GALK2: variants seen among roughly 807,000 people sequenced by gnomAD.
GALK2 encodes the protein galactokinase 2.
A neutral mutation model predicts 52.4 loss-of-function variants in GALK2; 36 were observed. The observed-to-expected ratio is 0.69, with a 90% CI of 0.53 to 0.91. GALK2 has a LOEUF of 0.91. Ranked by LOEUF, GALK2 falls within the 40% of genes least tolerant of loss-of-function variation. The pLI is 0.00. For synonymous variants in GALK2, 176 were observed against 199.1 expected (o/e 0.88, Z 0.98); for missense variants, 579 against 559.1 (o/e 1.04, Z -0.36).
chr15:49,299,743 C>CTTTCTTTTTTTTT (rs2034856760), intron 8 of GALK2, among the ~76,000 whole-genome samples: 1 of 107,760 alleles, frequency 9.3e-6, no homozygotes, highest in African/African-American at 3.7e-5. Flanking sequence ...TCTTTTCTTT[C>CTTTCTTTTTTTTT]TTTCTTTCTT....
chr15:49,210,827 A>G (rs1191477381), intron 2 of GALK2, among the ~76,000 whole-genome samples: 3 of 151,936 alleles, frequency 2.0e-5, no homozygotes, highest in Non-Finnish European at 4.4e-5. Context: ...GCTCACTGCA[A>G]CCTGCACTTC....
At chr15:49,218,916 C>T (rs1248957555) in intron 3 of GALK2, among the ~76,000 whole-genome samples, 1 of 152,140 alleles carries the variant, frequency 6.6e-6, no homozygotes. Context: ...ACCTCTGCCT[C>T]CCAGGTTCAA....
At chr15:49,292,210 G>C in intron 7 of GALK2, 117 bp from the exon 8 acceptor site, 2 of 880,480 alleles carry the variant, frequency 2.3e-6, no homozygotes, top group Non-Finnish European at 3.5e-6. Context: ...AGTTGGATAG[G>C]TTGAAAGGAA....
At position 49,255,786 on chromosome 15, in the gene GALK2, A is replaced by G. The variant is rs573925352; in HGVS notation, c.504+16419A>G. 4.6e-5 allele frequency among the ~76,000 whole-genome samples: 7 copies of G among 152,272 alleles called. No individual in the cohort carries two copies. The South Asian group carries it at 1.0e-3, about 23-fold the overall frequency. On this transcript the variant is annotated intron_variant, in intron 5 of 9. Transcript: ENST00000560031. ...TAAAAGTGATGATAGAGACTATAAC[A>G]TAGTCTTCTATTACATGTTTTAATT...
chr15:49,367,082 C>G (rs530793504), intron 3 of GALK2, among the ~76,000 whole-genome samples: 23 of 152,214 alleles, frequency 1.5e-4, no homozygotes, highest in Non-Finnish European at 2.9e-4. Flanking sequence ...CTAAAACATG[C>G]CTAAAACTCT....
chr15:49,221,280 A>G (rs1327569462), intron 3 of GALK2, among the ~76,000 whole-genome samples: 1 of 152,158 alleles, frequency 6.6e-6, no homozygotes, highest in African/African-American at 2.4e-5. Context: ...GGTTCAATTC[A>G]TTCTTCTGCA....
intron 3 of GALK2, among the ~76,000 whole-genome samples, chr15:49,340,397 T>G (rs1596305706): frequency 2.8e-5 from 3 of 108,438 alleles, no homozygotes; most frequent in East Asian, 3.0e-4. Context: ...GGTGAGGCAG[T>G]GCCCCGCCCC....
At chr15:49,364,322 T>G (rs1000371820) in intron 3 of GALK2, among the ~76,000 whole-genome samples, 9 of 152,198 alleles carry the variant, frequency 5.9e-5, no homozygotes. Context: ...GGATTCAGTT[T>G]ATTCCTAGTT....
chr15:49,211,889 T>G (rs1373834371), intron 2 of GALK2, among the ~76,000 whole-genome samples: 1 of 152,168 alleles, frequency 6.6e-6, no homozygotes, highest in Non-Finnish European at 1.5e-5. Flanking sequence ...GGTATTACAT[T>G]TCACCATGAG....
At chr15:49,190,528 C>T (rs1049904852) in intron 1 of GALK2, among the ~76,000 whole-genome samples, 3 of 152,114 alleles carry the variant, frequency 2.0e-5, no homozygotes, top group Non-Finnish European at 4.4e-5. Flanking sequence ...TTTTATATGT[C>T]ATGATGATAT....
chr15:49,302,700 GTTC>G (rs2035215389), intron 8 of GALK2, among the ~76,000 whole-genome samples: 1 of 152,154 alleles, frequency 6.6e-6, no homozygotes, highest in African/African-American at 2.4e-5. Flanking sequence ...AGATTCCATT[GTTC>G]TTCTTGTAAA....
chr15:49,310,990 CCT>C (rs2035944254), intron 8 of GALK2, among the ~76,000 whole-genome samples: 1 of 152,048 alleles, frequency 6.6e-6, no homozygotes. Flanking sequence ...AAGCATTTCC[CCT>C]GTGTTCTCTT....
chr15:49,156,788 T>G (rs188455615), intron 1 of GALK2: 69 of 626,660 alleles, frequency 1.1e-4, no homozygotes, highest in Admixed American at 7.8e-4. Context: ...TCTTAAATAT[T>G]TTGTTACTTT....
intron 3 of GALK2, chr15:49,366,174 T>G: frequency 2.3e-6 from 2 of 878,480 alleles, no homozygotes; most frequent in Admixed American, 3.4e-5. Flanking sequence ...ACCACCATAG[T>G]ATAATCAAAG....
chr15:49,190,566 T>G (rs1169536461), intron 1 of GALK2, among the ~76,000 whole-genome samples: 3 of 152,190 alleles, frequency 2.0e-5, no homozygotes, highest in Admixed American at 6.5e-5. Flanking sequence ...CACAACAAAT[T>G]TAGTTTTGTT....
intron 3 of GALK2, chr15:49,365,020 A>G: frequency 2.1e-6 from 1 of 487,278 alleles, no homozygotes; most frequent in Admixed American, 3.7e-5. Flanking sequence ...ATTTGCAAAC[A>G]TATCATTGAA....
At chr15:49,311,068 T>C (rs2035949352) in intron 8 of GALK2, among the ~76,000 whole-genome samples, 1 of 152,222 alleles carries the variant, frequency 6.6e-6, no homozygotes, top group African/African-American at 2.4e-5. Flanking sequence ...GATTTTTTTA[T>C]ATGGTGAGAG....
intron 7 of GALK2, among the ~76,000 whole-genome samples, chr15:49,287,581 G>A (rs984038813): frequency 6.6e-6 from 1 of 152,088 alleles, no homozygotes; most frequent in African/African-American, 2.4e-5. Flanking sequence ...ATTGTTTGAA[G>A]ATGGTCTCAT....
At chr15:49,361,027 C>T (rs914626906) in intron 3 of GALK2, among the ~76,000 whole-genome samples, 8 of 151,766 alleles carry the variant, frequency 5.3e-5, no homozygotes, top group Admixed American at 2.6e-4. Flanking sequence ...TGTGGGGTTG[C>T]GGAATAGGGA....
Sources: allele counts gnomAD v4.1 joint callset (sites outside exome capture counted in the v4.1 genomes callset), GRCh38; gene constraint gnomAD v4.1.1; transcripts MANE v1.5; gene names NCBI Gene and HGNC (gene_info 2026-07-23, HGNC 2026-07-21).